RSPH10B2: variants seen among roughly 807,000 people sequenced by gnomAD.
The protein encoded by RSPH10B2 is radial spoke head 10 homolog B2 (Chlamydomonas).
In RSPH10B2, 9 loss-of-function variants were observed where a neutral mutation model predicts 49.0. The ratio of observed to expected loss-of-function variants is 0.18; its 90% CI spans 0.11 to 0.32. RSPH10B2 has a LOEUF of 0.32. Ranked by LOEUF, RSPH10B2 falls within the 10% of genes least tolerant of loss-of-function variation. The probability of loss-of-function intolerance (pLI) is 1.00; values close to 1 mark genes in which losing one functional copy is unlikely to be tolerated. For synonymous variants in RSPH10B2, 35 were observed against 210.2 expected (o/e 0.17, Z 7.21); for missense variants, 95 against 589.9 (o/e 0.16, Z 8.69).
intron 17 of RSPH10B2, among the ~76,000 whole-genome samples, chr7:6,793,898 C>T (rs1782452060): frequency 6.6e-6 from 1 of 151,942 alleles, no homozygotes; most frequent in Non-Finnish European, 1.5e-5. Context: ...CTCTAGATCC[C>T]ACTTTCTTTC....
Position 6,796,712 on chromosome 7 carries a change from G to A in RSPH10B2, c.2378G>A (p.Arg793His), listed in dbSNP as rs766012280. The change falls in exon 18 of 19, where the codon CGT becomes CAT. Residue 793 changes from arginine (R) to histidine (H), a missense_variant. Arg to His is a conservative substitution (Grantham distance 29, BLOSUM62 0). Coordinates refer to ENST00000297186, the Ensembl canonical transcript of RSPH10B2. ...GAGAAAATAAGGGCAGACAGGTTAC[G>A]TAGCACAGCACAGGCCCAGCAGCGG... 6.8e-6 allele frequency: 9 copies of A among 1,318,426 alleles called. 2 individuals are homozygous for A. Among genetic ancestry groups the A allele is most frequent in the South Asian group, 1.7e-5 (1 of 58,832 alleles). The allele number at this position is 1,318,426 out of a possible 1,614,324, so 81.7% of individuals were successfully genotyped here. A position where few individuals can be genotyped will look rare whatever the true frequency, so the allele number is the denominator to read the frequency against.
chr7:6,781,636 G>C lies in RSPH10B2; in HGVS notation c.1758+160G>C. 2 of 868,948 alleles carry C rather than the reference G, an allele frequency of 2.3e-6. 1 individual carries two copies. The highest frequency in any genetic ancestry group is 3.1e-6 in the Non-Finnish European group (2 of 648,626). The allele number at this position is 868,948 out of a possible 1,614,324, so 53.8% of individuals were successfully genotyped here. ...GTTTACTGAGTCTCTTGGCAGAACA[G>C]TGGTCTGTGGTCGTGGAAGGAACAG... On this transcript the variant is annotated intron_variant, in intron 13 of 18. Coordinates refer to ENST00000297186, the Ensembl canonical transcript of RSPH10B2.
Position 6,779,974 on chromosome 7 carries a change from ATTTTTTT to A in RSPH10B2, c.1529+264_1529+270del, listed in dbSNP as rs769877980. 1.6e-3 allele frequency among the ~76,000 whole-genome samples: 181 copies of A among 110,030 alleles called. 3 individuals are homozygous for A. The highest frequency in any genetic ancestry group is 5.2e-3 in the African/African-American group (154 of 29,458). 72.2% of individuals were successfully genotyped at this position (110,030 alleles called of 152,430 possible). Reference sequence around the variant, plus strand: ...AGGCATGTGCCACCATGCCTGGCTAATTTTTTTTTTTTTTTTTTTTGTATTTTTAGTA... The same window carrying A: ...AGGCATGTGCCACCATGCCTGGCTAATTTTTTTTTTTTTGTATTTTTAGTA... On this transcript the variant is annotated intron_variant, in intron 11 of 18. Coordinates refer to ENST00000297186, the Ensembl canonical transcript of RSPH10B2.
intron 17 of RSPH10B2, 133 bp from the exon 20 acceptor site, chr7:6,796,435 C>T (rs1297323333): frequency 1.6e-6 from 1 of 636,340 alleles, no homozygotes; most frequent in African/African-American, 2.4e-5. Flanking sequence ...AAGCAGCGTC[C>T]TTACTCCTCT....
intron 1 of RSPH10B2, 115 bp from the exon 4 acceptor site, chr7:6,758,969 A>ATATATATATATTT (rs373089504): frequency 2.9e-6 from 1 of 345,984 alleles, no homozygotes; most frequent in African/African-American, 3.1e-5. Flanking sequence ...ATATATATAT[A>ATATATATATATTT]TTTTTTTTTT....
intron 17 of RSPH10B2, among the ~76,000 whole-genome samples, chr7:6,795,374 G>A (rs1460179017): frequency 1.1e-4 from 2 of 17,726 alleles, no homozygotes; most frequent in East Asian, 1.3e-3. Context: ...AGAGTAACCC[G>A]TTGTCTAGTT....
At chr7:6,768,376 G>A (rs1329859593) in intron 6 of RSPH10B2, among the ~76,000 whole-genome samples, 1 of 152,294 alleles carries the variant, frequency 6.6e-6, no homozygotes, top group Admixed American at 6.5e-5. Context: ...CTGTTTTACA[G>A]ACGAGGAACT....
chr7:6,768,160 T>C (rs1361299069), intron 6 of RSPH10B2, among the ~76,000 whole-genome samples: 11 of 140,934 alleles, frequency 7.8e-5, no homozygotes, highest in Non-Finnish European at 1.5e-5. Flanking sequence ...CTAGCCTGGG[T>C]AACAGAGTGA....
intron 18 of RSPH10B2, among the ~76,000 whole-genome samples, chr7:6,797,730 C>G (rs1782652329): frequency 6.6e-6 from 1 of 150,468 alleles, no homozygotes; most frequent in African/African-American, 2.5e-5. Flanking sequence ...TGGCAGGCGC[C>G]TGTAGTCCCA....
intron 18 of RSPH10B2, among the ~76,000 whole-genome samples, chr7:6,797,412 C>A (rs1254922328): frequency 1.3e-5 from 2 of 152,156 alleles, no homozygotes; most frequent in African/African-American, 4.8e-5. Flanking sequence ...GATAGCTTCT[C>A]GCTGGAGCTG....
chr7:6,794,195 G>A (rs1422731717), intron 17 of RSPH10B2: 981 of 159,818 alleles, frequency 6.1e-3, no homozygotes, highest in African/African-American at 0.023. Flanking sequence ...GGCTGTGTAC[G>A]TGCTCACCTT....
At chr7:6,774,882 AG>A (rs1384608223) in intron 9 of RSPH10B2, among the ~76,000 whole-genome samples, 2 of 152,028 alleles carry the variant, frequency 1.3e-5, no homozygotes, top group Non-Finnish European at 2.9e-5. Flanking sequence ...CTCCCGCCTC[AG>A]CTTCCTGAGT....
chr7:6,782,872 G>A (rs1459403970), intron 13 of RSPH10B2, among the ~76,000 whole-genome samples: 2 of 120,386 alleles, frequency 1.7e-5, no homozygotes, highest in Admixed American at 1.8e-4. Context: ...AACAAGAGCA[G>A]AACTCTGTCT....
At chr7:6,764,709 TGTGTGTG>T (rs1182218995) in intron 4 of RSPH10B2, among the ~76,000 whole-genome samples, 7 of 11,932 alleles carry the variant, frequency 5.9e-4, no homozygotes, top group African/African-American at 1.1e-3. Context: ...TTGTTGTTGT[TGTGTGTG>T]TGTGTGTGTG....
chr7:6,793,921 C>G (rs1205990923), intron 17 of RSPH10B2, among the ~76,000 whole-genome samples: 1 of 152,170 alleles, frequency 6.6e-6, no homozygotes, highest in African/African-American at 2.4e-5. Flanking sequence ...TGCTCCTTTG[C>G]TGCTAGGCAT....
chr7:6,755,984 G>A (rs1365562899), upstream of RSPH10B2, among the ~76,000 whole-genome samples: 1 of 143,056 alleles, frequency 7.0e-6, no homozygotes, highest in Non-Finnish European at 1.5e-5. Flanking sequence ...GAACTGGGCC[G>A]GGCACCCACA....
At chr7:6,777,188 C>A (rs918506916) in intron 10 of RSPH10B2, among the ~76,000 whole-genome samples, 1 of 59,098 alleles carries the variant, frequency 1.7e-5, no homozygotes, top group Non-Finnish European at 3.2e-5. Flanking sequence ...CCTGAGTAGC[C>A]GGGATTACAG....
At chr7:6,768,375 A>G in intron 6 of RSPH10B2, among the ~76,000 whole-genome samples, 1 of 152,234 alleles carries the variant, frequency 6.6e-6, no homozygotes, top group Non-Finnish European at 1.5e-5. Context: ...TCTGTTTTAC[A>G]GACGAGGAAC....
chr7:6,776,905 ACACACAC>A (rs1781764445), intron 10 of RSPH10B2, among the ~76,000 whole-genome samples: 2 of 140,988 alleles, frequency 1.4e-5, no homozygotes, highest in Non-Finnish European at 3.1e-5. Flanking sequence ...ACACACACAC[ACACACAC>A]ACACACACAC....
Sources: allele counts gnomAD v4.1 joint callset (sites outside exome capture counted in the v4.1 genomes callset), GRCh38; gene constraint gnomAD v4.1.1; transcripts MANE v1.5; gene names NCBI Gene and HGNC (gene_info 2026-07-23, HGNC 2026-07-21).